Variants in FHIT observed in about 807,000 individuals in gnomAD.
FHIT encodes fragile histidine triad diadenosine triphosphatase.
A neutral mutation model predicts 17.9 loss-of-function variants in FHIT; 19 were observed. The ratio of observed to expected loss-of-function variants is 1.06; its 90% CI spans 0.74 to 1.56. The LOEUF is 1.56. FHIT is among the 40% of genes most tolerant of loss of function. The pLI, the probability that FHIT is intolerant of heterozygous loss-of-function variation, is 0.00. For missense variants in FHIT, 248 were observed against 189.2 expected, an observed-to-expected ratio of 1.31 and a Z score of -1.82; for synonymous variants, 81 against 69.7, an observed-to-expected ratio of 1.16 and a Z score of -0.81.
intron 7 of FHIT, among the ~76,000 whole-genome samples, chr3:60,000,645 G>A (rs1174794032): frequency 6.6e-6 from 1 of 151,064 alleles, no homozygotes; most frequent in African/African-American, 2.4e-5. Flanking sequence ...AGATAGACAT[G>A]AGAGAAAATC....
chr3:60,230,346 T>G (rs1454437424), intron 5 of FHIT, among the ~76,000 whole-genome samples: 1 of 152,204 alleles, frequency 6.6e-6, no homozygotes, highest in African/African-American at 2.4e-5. Flanking sequence ...AAAAAGAGAT[T>G]TGGTATCCAA....
At chr3:60,353,619 A>C (rs1341738566) in intron 5 of FHIT, among the ~76,000 whole-genome samples, 2 of 152,224 alleles carry the variant, frequency 1.3e-5, no homozygotes, top group East Asian at 3.9e-4. Flanking sequence ...GAGATTTTTT[A>C]TTTTTTTAAA....
chr3:60,899,614 T>C (rs543840320), intron 3 of FHIT, among the ~76,000 whole-genome samples: 28 of 152,180 alleles, frequency 1.8e-4, no homozygotes, highest in Non-Finnish European at 3.5e-4. Flanking sequence ...CATGGAGCTC[T>C]TGTCACATCC....
chr3:59,946,923 G>C (rs1269866035), intron 7 of FHIT, among the ~76,000 whole-genome samples: 2 of 152,104 alleles, frequency 1.3e-5, no homozygotes, highest in African/African-American at 4.8e-5. Context: ...CTAGTATTTG[G>C]TTGCGGATTT....
At chr3:61,203,560 T>G (rs2039102519) in intron 1 of FHIT, among the ~76,000 whole-genome samples, 1 of 152,106 alleles carries the variant, frequency 6.6e-6, no homozygotes, top group Admixed American at 6.5e-5. Context: ...GAAGCAATAG[T>G]AAACAGAGAA....
At chr3:60,941,568 A>T (rs1312985837) in intron 3 of FHIT, among the ~76,000 whole-genome samples, 1 of 152,066 alleles carries the variant, frequency 6.6e-6, no homozygotes, top group Non-Finnish European at 1.5e-5. Context: ...TTTCTTTCCT[A>T]TCCATGTTTT....
At chr3:60,385,744 G>A (rs1465609957) in intron 5 of FHIT, among the ~76,000 whole-genome samples, 1 of 151,884 alleles carries the variant, frequency 6.6e-6, no homozygotes, top group African/African-American at 2.4e-5. Flanking sequence ...CATACCCAGT[G>A]AATTTTTTTT....
intron 5 of FHIT, among the ~76,000 whole-genome samples, chr3:60,022,170 C>A (rs949502103): frequency 6.6e-6 from 1 of 151,604 alleles, no homozygotes. Context: ...CACAGAGAGG[C>A]CTGAGTAATT....
chr3:60,294,636 C>A (rs141351172), intron 5 of FHIT, among the ~76,000 whole-genome samples: 1 of 152,132 alleles, frequency 6.6e-6, no homozygotes, highest in African/African-American at 2.4e-5. Flanking sequence ...CATTACCATT[C>A]GCACAAAGGT....
At chr3:60,746,508 C>A (rs2042359673) in intron 4 of FHIT, among the ~76,000 whole-genome samples, 1 of 152,134 alleles carries the variant, frequency 6.6e-6, no homozygotes, top group Non-Finnish European at 1.5e-5. Context: ...TTCGGACGAT[C>A]ATTATTAACC....
chr3:60,749,728 T>C (rs1553716331), intron 4 of FHIT, among the ~76,000 whole-genome samples: 1 of 152,050 alleles, frequency 6.6e-6, no homozygotes. Context: ...AACCAGAAAG[T>C]GATCAGTGCA....
chr3:59,986,758 A>AAATATATTTATAT lies in FHIT; in HGVS notation c.279+24600_279+24612dup, dbSNP rs1708974878. On this transcript the variant is annotated intron_variant, in intron 7 of 9. Transcript: ENST00000492590. Reference sequence around the variant, plus strand: ...TATATACATATATTTATATATATATAAATATATTTATATAAATATATAAAT... The same window carrying AAATATATTTATAT: ...TATATACATATATTTATATATATATAAATATATTTATATAATATATTTATATAAATATATAAAT... 1.2e-4 allele frequency among the ~76,000 whole-genome samples: 4 copies of AAATATATTTATAT among 33,916 alleles called. 1 individual carries two copies. The highest frequency in any genetic ancestry group is 1.3e-3 in the South Asian group (1 of 760). 22.3% of individuals were successfully genotyped at this position (33,916 alleles called of 152,430 possible). A position where few individuals can be genotyped will look rare whatever the true frequency, so the allele number is the denominator to read the frequency against.
chr3:59,858,782 G>C (rs1320112843), intron 8 of FHIT, among the ~76,000 whole-genome samples: 1 of 152,092 alleles, frequency 6.6e-6, no homozygotes, highest in Middle Eastern at 3.2e-3. Context: ...AGGATAATGG[G>C]AACCAAGTTT....
At chr3:61,231,124 T>C (rs927520594) in intron 1 of FHIT, among the ~76,000 whole-genome samples, 10 of 152,082 alleles carry the variant, frequency 6.6e-5, no homozygotes, top group East Asian at 1.9e-4. Context: ...GGGTAACGCA[T>C]AGGCATGAAT....
chr3:61,046,279 T>G (rs967873859), intron 2 of FHIT, among the ~76,000 whole-genome samples: 2 of 151,948 alleles, frequency 1.3e-5, no homozygotes, highest in African/African-American at 2.4e-5. Context: ...AAGAATCAAA[T>G]AGACACAATA....
intron 5 of FHIT, among the ~76,000 whole-genome samples, chr3:60,302,682 A>C (rs1023434070): frequency 5.3e-5 from 8 of 152,170 alleles, no homozygotes; most frequent in African/African-American, 1.9e-4. Context: ...GTCTTCCAAC[A>C]ATCATATTTC....
chr3:60,578,472 C>G (rs1223312317), intron 4 of FHIT, among the ~76,000 whole-genome samples: 4 of 151,554 alleles, frequency 2.6e-5, no homozygotes, highest in Non-Finnish European at 4.4e-5. Context: ...CACACACACA[C>G]ACACGATAAA....
At chr3:59,794,140 T>C (rs1699681330) in intron 8 of FHIT, among the ~76,000 whole-genome samples, 2 of 152,280 alleles carry the variant, frequency 1.3e-5, no homozygotes, top group East Asian at 1.9e-4. Flanking sequence ...ACATCAGACA[T>C]GGTTTTTAGA....
At chr3:61,145,882 C>T (rs548917734) in intron 2 of FHIT, among the ~76,000 whole-genome samples, 1 of 152,038 alleles carries the variant, frequency 6.6e-6, no homozygotes, top group African/African-American at 2.4e-5. Context: ...TTGCTGAACT[C>T]GTTTAGTAGT....
Sources: gnomAD v4.1 joint callset for allele counts (sites outside exome capture counted in the v4.1 genomes callset) on GRCh38, gnomAD v4.1.1 for gene constraint, MANE v1.5 for transcripts, NCBI Gene and HGNC (gene_info 2026-07-23, HGNC 2026-07-21) for gene names.